BPIFC: variants seen among roughly 807,000 people sequenced by gnomAD.
The protein encoded by BPIFC is BPI fold containing family C, also known as BPI fold-containing family C protein.
In BPIFC, 60 loss-of-function variants were observed where a neutral mutation model predicts 57.6. That is an observed-to-expected ratio of 1.04 (90% CI 0.85 to 1.29). The LOEUF (loss-of-function observed/expected upper bound fraction) is 1.29. BPIFC is among the 50% of genes most tolerant of loss of function. BPIFC has a pLI of 0.00. For missense variants in BPIFC, 581 were observed against 600.5 expected, an observed-to-expected ratio of 0.97 and a Z score of 0.34; for synonymous variants, 243 against 224.5, an observed-to-expected ratio of 1.08 and a Z score of -0.74.
chr22:32,431,395 C>A lies in BPIFC; in HGVS notation c.1169G>T (p.Gly390Val). 2 of 1,589,906 alleles carry A rather than the reference C, an allele frequency of 1.3e-6. No individual in the cohort carries two copies. Among genetic ancestry groups the A allele is most frequent in the South Asian group, 1.1e-5 (1 of 90,676 alleles). ...CAGTCTTTGTCCCAAAATAACCAGG[C>A]CAACACTGGTACTAGCAACCTATAG... The part of the protein sequence containing the change: ...SMDFVASTSV[G>V]LVILGQRLVC... Residue 390 changes from glycine to valine, a missense_variant, in exon 13 of 17, where the codon GGC becomes GTC. Gly to Val is a moderately radical substitution (Grantham distance 109). Coordinates refer to ENST00000300399, the MANE Select transcript of BPIFC (RefSeq NM_174932.3).
intron 4 of BPIFC, 162 bp downstream of exon 4, chr22:32,453,221 A>G: frequency 2.0e-6 from 1 of 489,584 alleles, no homozygotes; most frequent in Non-Finnish European, 3.5e-6. Flanking sequence ...GGCCATATTG[A>G]GCCATGAGGC....
intron 16 of BPIFC, among the ~76,000 whole-genome samples, 194 bp from the exon 17 acceptor site, chr22:32,414,619 T>G (rs1186578742): frequency 1.3e-5 from 2 of 152,102 alleles, no homozygotes; most frequent in African/African-American, 2.4e-5. Context: ...TTTCAAGTGA[T>G]TCTCGTGCCT....
chr22:32,431,417 A>G lies in BPIFC; in HGVS notation c.1150-3T>C. On this transcript the variant is annotated splice_region_variant and splice_polypyrimidine_tract_variant and intron_variant, in intron 12 of 16. Transcript: ENST00000300399. ...AGGCCAACACTGGTACTAGCAACCT[A>G]TAGACAATAAAAGCATTTATTATTA... 1 of 1,564,402 alleles carries G rather than the reference A, an allele frequency of 6.4e-7. No individual in the cohort carries two copies. Among genetic ancestry groups the G allele is most frequent in the Non-Finnish European group, 8.8e-7 (1 of 1,142,236 alleles).
intron 7 of BPIFC, 30 bp downstream of exon 7, chr22:32,445,605 A>G (rs767767381): frequency 6.5e-7 from 1 of 1,548,588 alleles, no homozygotes; most frequent in East Asian, 2.3e-5. Context: ...ATGGCATTTT[A>G]CTGTGGTTGC....
At chr22:32,447,370 G>A (rs762134301) in intron 4 of BPIFC, 30 bp from the exon 5 acceptor site, 25 of 1,602,980 alleles carry the variant, frequency 1.6e-5, no homozygotes, top group Non-Finnish European at 2.0e-5. Flanking sequence ...AAGTTAGGGC[G>A]ACTCTTCCAG....
intron 15 of BPIFC, among the ~76,000 whole-genome samples, chr22:32,416,751 T>C (rs1031773286): frequency 1.3e-5 from 2 of 152,188 alleles, no homozygotes; most frequent in Admixed American, 1.3e-4. Flanking sequence ...AGATATCCCG[T>C]AGGGAAAATA....
intron 13 of BPIFC, among the ~76,000 whole-genome samples, chr22:32,423,009 G>A (rs1311254546): frequency 6.6e-6 from 1 of 152,194 alleles, no homozygotes; most frequent in Non-Finnish European, 1.5e-5. Context: ...GTGGATAAAT[G>A]AGCGGATGAA....
At chr22:32,424,574 T>TTTCTTCTTC (rs148930460) in intron 13 of BPIFC, among the ~76,000 whole-genome samples, 9 of 68,962 alleles carry the variant, frequency 1.3e-4, no homozygotes, top group Non-Finnish European at 2.1e-4. Flanking sequence ...TGTTATTTTC[T>TTTCTTCTTC]TTCTTCTTCT....
chr22:32,416,076 T>G (rs999224928), intron 15 of BPIFC, 85 bp from the exon 16 acceptor site: 2 of 745,600 alleles, frequency 2.7e-6, no homozygotes, highest in African/African-American at 2.0e-5. Flanking sequence ...GACTGACAGC[T>G]TGCTTTTTTT....
intron 4 of BPIFC, among the ~76,000 whole-genome samples, chr22:32,449,670 C>T (rs917153277): frequency 6.3e-4 from 96 of 152,046 alleles, no homozygotes; most frequent in African/African-American, 2.2e-3. Flanking sequence ...TTCTTTCTAG[C>T]ACTTCTGTAT....
chr22:32,434,085 T>TAG (rs957032768), intron 10 of BPIFC, among the ~76,000 whole-genome samples: 20 of 149,238 alleles, frequency 1.3e-4, no homozygotes, highest in African/African-American at 4.9e-4. Flanking sequence ...GTTTTAGTTA[T>TAG]ATATATATAT....
intron 9 of BPIFC, among the ~76,000 whole-genome samples, chr22:32,436,358 GGA>G (rs1934395417): frequency 9.5e-6 from 1 of 104,764 alleles, no homozygotes; most frequent in Non-Finnish European, 2.2e-5. Flanking sequence ...AGGAGGAGGA[GGA>G]GGAGGAGGAG....
chr22:32,436,414 A>AAGAAGG (rs201728227), intron 9 of BPIFC, among the ~76,000 whole-genome samples: 220 of 150,388 alleles, frequency 1.5e-3, no homozygotes, highest in Non-Finnish European at 2.0e-3. Flanking sequence ...GAGGAGGGAA[A>AAGAAGG]AGAAGGAGAA....
intron 12 of BPIFC, 123 bp from the exon 13 acceptor site, chr22:32,431,537 G>T: frequency 3.0e-6 from 2 of 655,866 alleles, no homozygotes; most frequent in Non-Finnish European, 5.2e-6. Context: ...GACATTGGAA[G>T]TCTAAAAGAC....
At chr22:32,462,193 A>G (rs1350687859) in intron 1 of BPIFC, among the ~76,000 whole-genome samples, 1 of 149,956 alleles carries the variant, frequency 6.7e-6, no homozygotes, top group Non-Finnish European at 1.5e-5. Context: ...AAAAAAAAGA[A>G]AAAAGAAAAA....
At chr22:32,460,343 T>C (rs1935135870) in intron 2 of BPIFC, among the ~76,000 whole-genome samples, 1 of 152,212 alleles carries the variant, frequency 6.6e-6, no homozygotes, top group Non-Finnish European at 1.5e-5. Flanking sequence ...TCCATTGGGC[T>C]GGAATTTTGT....
Position 32,433,591 on chromosome 22 carries a change from C to T in BPIFC, c.978+128G>A, listed in dbSNP as rs75895911. On this transcript the variant is annotated intron_variant, in intron 11 of 16. Transcript: ENST00000300399. ...GTAAATATTTGTAGATATTCGATTA[C>T]GAGAAAAAACTCCCAATAATAGACA... 3.5e-3 allele frequency: 2,617 copies of T among 754,266 alleles called. 51 individuals are homozygous for T. In the African/African-American group the frequency reaches 0.04, roughly 12 times the overall value. The allele number at this position is 754,266 out of a possible 1,614,324, so 46.7% of individuals were successfully genotyped here. A position where few individuals can be genotyped will look rare whatever the true frequency, so the allele number is the denominator to read the frequency against.
At chr22:32,416,442 C>G (rs1490135508) in intron 15 of BPIFC, among the ~76,000 whole-genome samples, 2 of 152,148 alleles carry the variant, frequency 1.3e-5, no homozygotes, top group African/African-American at 4.8e-5. Flanking sequence ...TGCATTCTCT[C>G]TGATATGTCC....
At chr22:32,454,055 A>G (rs1373702339) in intron 3 of BPIFC, among the ~76,000 whole-genome samples, 1 of 152,180 alleles carries the variant, frequency 6.6e-6, no homozygotes, top group Non-Finnish European at 1.5e-5. Flanking sequence ...AGGCTGCAGT[A>G]AGCCATGATT....
Sources: allele counts gnomAD v4.1 joint callset (sites outside exome capture counted in the v4.1 genomes callset), GRCh38; gene constraint gnomAD v4.1.1; transcripts MANE v1.5; gene names NCBI Gene and HGNC (gene_info 2026-07-23, HGNC 2026-07-21).